The following DMD variants were observed in gnomAD, a reference collection of about 807,000 sequenced individuals.
DMD encodes the protein dystrophin.
Under a neutral mutation model 330.1 loss-of-function variants are expected in DMD, and 63 were observed. The observed-to-expected ratio is 0.19, with a 90% CI of 0.16 to 0.24. The LOEUF (loss-of-function observed/expected upper bound fraction) is 0.24. DMD is among the 10% of genes least tolerant of loss of function. DMD has a pLI of 1.00. For synonymous variants in DMD, 1,223 were observed against 959.8 expected (o/e 1.27, Z -5.07); for missense variants, 3,344 against 2,684.1 (o/e 1.25, Z -5.43).
intron 51 of DMD, among the ~76,000 whole-genome samples, chrX:31,763,226 A>C (rs765054737): frequency 3.5e-5 from 4 of 112,802 alleles, no homozygotes; most frequent in African/African-American, 1.3e-4. Flanking sequence ...TATATAGTTA[A>C]AGGACAAAAT....
intron 47 of DMD, among the ~76,000 whole-genome samples, chrX:31,879,037 A>C (rs1261656170): frequency 8.9e-6 from 1 of 111,934 alleles, no homozygotes; most frequent in Non-Finnish European, 1.9e-5. Context: ...ATGTGCAGTG[A>C]GGGTAGAGCA....
At chrX:32,045,564 T>C (rs768606089) in intron 44 of DMD, among the ~76,000 whole-genome samples, 3 of 110,721 alleles carry the variant, frequency 2.7e-5, no homozygotes, top group African/African-American at 9.8e-5. Flanking sequence ...CGGCTATTTC[T>C]TCATAGCAAT....
At chrX:33,082,113 T>C (rs1307873973) in intron 1 of DMD, among the ~76,000 whole-genome samples, 3 of 110,419 alleles carry the variant, frequency 2.7e-5, no homozygotes, top group African/African-American at 9.9e-5. Context: ...TGGAGAAAAA[T>C]AATTCAGTCG....
At chrX:32,484,185 C>T (rs2042198271) in intron 21 of DMD, among the ~76,000 whole-genome samples, 1 of 111,298 alleles carries the variant, frequency 9.0e-6, no homozygotes, top group Non-Finnish European at 1.9e-5. Flanking sequence ...TGAATCAAAA[C>T]CCCATTTACT....
intron 41 of DMD, among the ~76,000 whole-genome samples, chrX:32,331,506 T>A (rs997403047): frequency 1.8e-5 from 2 of 111,836 alleles, no homozygotes; most frequent in African/African-American, 3.2e-5. Context: ...TCATAGATTT[T>A]GCAGTCAATA....
chrX:31,153,262 C>T (rs954658409), intron 74 of DMD, among the ~76,000 whole-genome samples: 4 of 112,077 alleles, frequency 3.6e-5, no homozygotes, highest in African/African-American at 1.3e-4. Context: ...GCCATAGCTG[C>T]ATATAAGCTG....
At chrX:32,731,646 G>A (rs536786552) in intron 7 of DMD, among the ~76,000 whole-genome samples, 4 of 111,862 alleles carry the variant, frequency 3.6e-5, no homozygotes, top group African/African-American at 1.3e-4. Flanking sequence ...TCCCCAAAAG[G>A]GGCATACTGA....
chrX:32,009,742 A>C (rs1167123355), intron 44 of DMD, among the ~76,000 whole-genome samples: 1 of 111,805 alleles, frequency 8.9e-6, no homozygotes. Context: ...GGGTATTATA[A>C]TCATTATTAA....
chrX:31,357,305 G>A (rs1299225211), intron 60 of DMD, among the ~76,000 whole-genome samples: 4 of 109,031 alleles, frequency 3.7e-5, no homozygotes, highest in African/African-American at 1.3e-4. Context: ...TTTGAACACA[G>A]GAGTATTTCC....
intron 12 of DMD, among the ~76,000 whole-genome samples, chrX:32,597,251 A>G (rs1217265791): frequency 8.9e-6 from 1 of 111,814 alleles, no homozygotes; most frequent in Non-Finnish European, 1.9e-5. Context: ...TTTTTTAATC[A>G]TAGTATTGTC....
At chrX:33,086,898 T>C (rs73452079) in intron 1 of DMD, among the ~76,000 whole-genome samples, 3,262 of 110,420 alleles carry the variant, frequency 0.03, 117 homozygotes, top group African/African-American at 0.1. Flanking sequence ...TCATTTTATG[T>C]ATTTTTTTAT....
At chrX:32,028,873 TTCA>T (rs2095864833) in intron 44 of DMD, among the ~76,000 whole-genome samples, 1 of 111,772 alleles carries the variant, frequency 8.9e-6, no homozygotes, top group Non-Finnish European at 1.9e-5. Context: ...TTTCTTTTTC[TTCA>T]TCCTCACATA....
At chrX:31,913,520 A>G (rs2149883104) in intron 47 of DMD, among the ~76,000 whole-genome samples, 1 of 111,632 alleles carries the variant, frequency 9.0e-6, no homozygotes, top group East Asian at 2.8e-4. Flanking sequence ...TCTCAGGAAC[A>G]AAGAATGACC....
intron 55 of DMD, among the ~76,000 whole-genome samples, chrX:31,611,401 A>G (rs1297449399): frequency 9.0e-6 from 1 of 110,783 alleles, no homozygotes. Context: ...CAGGACCCTA[A>G]CTTCTTGACT....
intron 1 of DMD, among the ~76,000 whole-genome samples, chrX:33,176,327 T>C (rs2049644397): frequency 9.0e-6 from 1 of 110,599 alleles, no homozygotes; most frequent in Non-Finnish European, 1.9e-5. Flanking sequence ...ATTTAGGCTG[T>C]CAAAAGGTTT....
intron 42 of DMD, among the ~76,000 whole-genome samples, chrX:32,299,484 T>C (rs541773671): frequency 6.5e-5 from 7 of 107,718 alleles, no homozygotes; most frequent in African/African-American, 2.4e-4. Flanking sequence ...TTAATCTCTT[T>C]GTTATTCTTC....
chrX:32,310,334 C>T (rs2097557395), intron 41 of DMD, 58 bp from the exon 42 acceptor site: 1 of 984,732 alleles, frequency 1.0e-6, no homozygotes, highest in Non-Finnish European at 1.4e-6. Flanking sequence ...GAAACCTCCT[C>T]CATTAAGTTT....
At chrX:32,920,654 C>CT (rs1292567914) in intron 2 of DMD, among the ~76,000 whole-genome samples, 3 of 112,036 alleles carry the variant, frequency 2.7e-5, no homozygotes, top group African/African-American at 9.7e-5. Context: ...TCATTTATTC[C>CT]TTCCGCACAT....
intron 18 of DMD, 105 bp from the exon 19 acceptor site, chrX:32,501,947 G>C (rs1366046795): frequency 1.7e-6 from 1 of 602,758 alleles, no homozygotes; most frequent in East Asian, 3.6e-5. Flanking sequence ...GTTTCACTCT[G>C]TCAGCTTATC....
Sources: allele counts gnomAD v4.1 joint callset (sites outside exome capture counted in the v4.1 genomes callset), GRCh38; gene constraint gnomAD v4.1.1; transcripts MANE v1.5; gene names NCBI Gene and HGNC (gene_info 2026-07-23, HGNC 2026-07-21).